ACTR8: variants seen among roughly 807,000 people sequenced by gnomAD.
ACTR8 encodes the protein actin-related protein 8.
In ACTR8, 70 loss-of-function variants were observed where a neutral mutation model predicts 84.3. The observed-to-expected ratio is 0.83, with a 90% CI of 0.68 to 1.01. The LOEUF is 1.01. ACTR8 is among the 50% of genes least tolerant of loss of function. The probability of loss-of-function intolerance (pLI) is 0.00; values close to 1 mark genes in which losing one functional copy is unlikely to be tolerated. For missense variants in ACTR8, 672 were observed against 775.4 expected, an observed-to-expected ratio of 0.87 and a Z score of 1.58; for synonymous variants, 268 against 275.2, an observed-to-expected ratio of 0.97 and a Z score of 0.26.
chr3:53,872,080 T>G (rs1247353987), intron 10 of ACTR8, among the ~76,000 whole-genome samples: 2 of 152,222 alleles, frequency 1.3e-5, no homozygotes, highest in Admixed American at 6.5e-5. Context: ...CAGGTGAGAT[T>G]TTAATGAAAA....
chr3:53,862,707 C>T (rs1313308811), downstream of ACTR8, among the ~76,000 whole-genome samples: 2 of 152,116 alleles, frequency 1.3e-5, no homozygotes, highest in Admixed American at 6.5e-5. Flanking sequence ...GAAAACAAAT[C>T]GACATTAAAC....
Position 53,877,702 on chromosome 3 carries a change from G to T in ACTR8, c.455C>A (p.Ser152Ter), listed in dbSNP as rs780432704. 2 of 1,613,990 alleles carry T rather than the reference G, an allele frequency of 1.2e-6. No individual in the cohort carries two copies. Among genetic ancestry groups the T allele is most frequent in the Admixed American group, 1.7e-5 (1 of 60,012 alleles). ...AGATGTGTTTGTCCACTTATTTCCCGAACAGTGATCTAAAATTGCAGGTCG... is the reference window on the plus strand; with the variant it reads ...AGATGTGTTTGTCCACTTATTTCCCTAACAGTGATCTAAAATTGCAGGTCG... ...QMRPAILDHC[S>*]GNKWTNTSHH... The change falls in exon 4 of 13, where the codon TCG becomes TAG. Residue 152 changes from serine (S) to a stop codon, truncating the protein, a stop_gained. Transcript: ENST00000335754. LOFTEE classifies it high-confidence loss of function.
At position 53,877,319 on chromosome 3, in the gene ACTR8, A is replaced by T. The variant is rs1265925645; in HGVS notation, c.579T>A (p.Ile193=). The T allele has an allele frequency of 6.2e-7, 1 of 1,614,108 alleles. No homozygotes were observed. The highest frequency in any genetic ancestry group is 2.2e-5 in the East Asian group (1 of 44,880). The stretch of plus-strand genomic sequence containing the variant: ...TAAGAGAGCCCCCAGGGCCTGGGTG[A>T]ATATTTAACTGACCTCTTCTGATAG... ...HWPIRRGQLN[I]HPGPGGSLTA... Residue 193 remains isoleucine, a synonymous_variant, in exon 5 of 13, where the codon ATT becomes ATA. Coordinates refer to ENST00000335754, the MANE Select transcript of ACTR8 (RefSeq NM_022899.5).
At chr3:53,862,815 A>G (rs2107029742), downstream of ACTR8, among the ~76,000 whole-genome samples, 1 of 152,346 alleles carries the variant, frequency 6.6e-6, no homozygotes, top group Non-Finnish European at 1.5e-5. Flanking sequence ...CAAGTGGTGG[A>G]GGAAGGATTG....
chr3:53,876,166 C>A, intron 6 of ACTR8, 86 bp from the exon 7 acceptor site: 3 of 1,513,188 alleles, frequency 2.0e-6, no homozygotes, highest in South Asian at 1.2e-5. Context: ...AAGCGGGGAG[C>A]CTAGGGACCT....
chr3:53,879,433 C>A (rs1251717585), intron 2 of ACTR8, among the ~76,000 whole-genome samples: 1 of 152,114 alleles, frequency 6.6e-6, no homozygotes, highest in Non-Finnish European at 1.5e-5. Flanking sequence ...AAAGAATTTT[C>A]CTGATAATTA....
chr3:53,879,906 T>TTACC, intron 2 of ACTR8, 33 bp downstream of exon 2: 1 of 1,584,728 alleles, frequency 6.3e-7, no homozygotes, highest in Non-Finnish European at 8.6e-7. Flanking sequence ...GGAAACAACC[T>TTACC]TAGGCTTTCT....
chr3:53,868,923 T>C (rs1699840076), intron 12 of ACTR8, 61 bp from the exon 13 acceptor site: 8 of 1,564,062 alleles, frequency 5.1e-6, no homozygotes, highest in African/African-American at 2.7e-5. Flanking sequence ...AATCATTTAC[T>C]TGAATATGGG....
downstream of ACTR8, chr3:53,865,544 T>C (rs1439473023): frequency 1.0e-5 from 5 of 480,642 alleles, no homozygotes; most frequent in African/African-American, 1.9e-5. Context: ...ACAGTTTTAA[T>C]TGAAAACTAT....
At chr3:53,881,549 A>G in intron 1 of ACTR8, 1 of 243,710 alleles carries the variant, frequency 4.1e-6, no homozygotes, top group Non-Finnish European at 8.1e-6. Flanking sequence ...AAAAGCCTGG[A>G]CCCCAAACTA....
downstream of ACTR8, chr3:53,865,674 C>T (rs1699760723): frequency 6.0e-6 from 1 of 167,370 alleles, no homozygotes; most frequent in Admixed American, 6.1e-5. Context: ...TTAATGAATA[C>T]TAACTCTAAG....
chr3:53,872,354 C>G, intron 10 of ACTR8, 30 bp downstream of exon 10: 9 of 1,529,272 alleles, frequency 5.9e-6, no homozygotes, highest in Non-Finnish European at 7.9e-6. Context: ...GGACAAAACT[C>G]TCTCTTCTCC....
At chr3:53,864,891 C>A, downstream of ACTR8, 1 of 1,614,198 alleles carries the variant, frequency 6.2e-7, no homozygotes. Context: ...GTGAGGTCAT[C>A]CTTGAAAAGT....
chr3:53,866,834 GT>G (rs34167860), downstream of ACTR8, among the ~76,000 whole-genome samples: 52,070 of 151,780 alleles, frequency 0.34, 9,238 homozygotes, highest in East Asian at 0.6. Context: ...TAGCATAAAT[GT>G]TTTTTTTCTG....
chr3:53,860,353 A>G, the ACTR8 span: 4 of 678,186 alleles, frequency 5.9e-6, no homozygotes, highest in Non-Finnish European at 1.0e-5. Flanking sequence ...GCATTTATGT[A>G]ATACCTTCAA....
intron 1 of ACTR8, 129 bp downstream of exon 1, chr3:53,881,850 T>G: frequency 7.1e-7 from 1 of 1,400,112 alleles, no homozygotes; most frequent in Non-Finnish European, 9.4e-7. Flanking sequence ...AACGACCGCT[T>G]CCGCACTCCC....
rs780382739 is a variant in ACTR8, at chr3:53,876,049, G to A, written c.810C>T (p.Ala270=). The change falls in exon 7 of 13, where the codon GCC becomes GCT. Residue 270 remains alanine, a synonymous_variant. Coordinates refer to ENST00000335754, the MANE Select transcript of ACTR8 (RefSeq NM_022899.5). ...GIVVHQESVC[A]TYGSGLSSTC... ...TGCTGCTTAAGCCACTTCCATAGGT[G>A]GCACACACAGACTCCTGATGGACCA... is the stretch of plus-strand genomic sequence containing the variant. 2 of 1,613,154 alleles carry A rather than the reference G, an allele frequency of 1.2e-6. No individual in the cohort carries two copies. The highest frequency in any genetic ancestry group is 1.7e-6 in the Non-Finnish European group (2 of 1,179,958).
chr3:53,868,498 A>G lies in ACTR8; in HGVS notation c.*221T>C. The G allele has an allele frequency of 1.7e-6, 1 of 587,194 alleles. No individual in the cohort carries two copies. Among genetic ancestry groups the G allele is most frequent in the Non-Finnish European group, 2.9e-6 (1 of 350,478 alleles). The allele number at this position is 587,194 out of a possible 1,614,324, so 36.4% of individuals were successfully genotyped here. On this transcript the variant is annotated 3_prime_UTR_variant, in exon 13 of 13. Transcript: ENST00000335754. ...GAGAGGGCAAGAGAGTTTACAACTGAAGAGAAAGTTCCTATTTATTCTCAA... is the reference window on the plus strand; with the variant it reads ...GAGAGGGCAAGAGAGTTTACAACTGGAGAGAAAGTTCCTATTTATTCTCAA...
At chr3:53,865,273 T>C (rs1322890391), downstream of ACTR8, 1 of 1,609,590 alleles carries the variant, frequency 6.2e-7, no homozygotes, top group Non-Finnish European at 8.5e-7. Context: ...AGGAAAAAGA[T>C]CACAAGCCTG....
Sources: allele counts gnomAD v4.1 joint callset (sites outside exome capture counted in the v4.1 genomes callset), GRCh38; gene constraint gnomAD v4.1.1; transcripts MANE v1.5; gene names NCBI Gene and HGNC (gene_info 2026-07-23, HGNC 2026-07-21).